The following CSMD1 variants were observed in gnomAD, a reference collection of about 807,000 sequenced individuals.
CSMD1 encodes the protein CUB and Sushi multiple domains 1.
A neutral mutation model predicts 417.5 loss-of-function variants in CSMD1; 213 were observed. That is an observed-to-expected ratio of 0.51 (90% CI 0.46 to 0.57). The LOEUF (loss-of-function observed/expected upper bound fraction) is 0.57. Among genes scored for constraint, CSMD1 ranks in the 20% least tolerant of loss-of-function variants. The pLI, the probability that CSMD1 is intolerant of heterozygous loss-of-function variation, is 0.00. For synonymous variants in CSMD1, 2,862 were observed against 1,736.8 expected (o/e 1.65, Z -16.11); for missense variants, 6,923 against 4,529.7 (o/e 1.53, Z -15.17).
chr8:3,639,283 C>T (rs958855875), intron 7 of CSMD1, among the ~76,000 whole-genome samples: 3 of 152,088 alleles, frequency 2.0e-5, no homozygotes, highest in Admixed American at 1.3e-4. Context: ...GAATAATATA[C>T]TTTATTATTA....
chr8:4,016,097 A>C (rs913803141), intron 4 of CSMD1, among the ~76,000 whole-genome samples: 5 of 152,144 alleles, frequency 3.3e-5, no homozygotes, highest in Non-Finnish European at 5.9e-5. Flanking sequence ...ATTTACCAGG[A>C]AATTTTGGGA....
rs550458334 is a variant in CSMD1 at position 3,079,636 on chromosome 8, G to A, written c.7474+7461C>T. On this transcript the variant is annotated intron_variant, in intron 49 of 69. Transcript: ENST00000635120. ...CCTAACATATCCTCCTAACATTTGA[G>A]AATGATGTTGTTTTAAAAATTTTGT... is the stretch of plus-strand genomic sequence containing the variant. 6.6e-5 allele frequency among the ~76,000 whole-genome samples: 10 copies of A among 152,212 alleles called. No homozygotes were observed. The South Asian group carries it at 1.9e-3, about 28-fold the overall frequency.
chr8:4,036,130 C>A (rs563602954), intron 3 of CSMD1, among the ~76,000 whole-genome samples: 2 of 152,316 alleles, frequency 1.3e-5, no homozygotes, highest in African/African-American at 4.8e-5. Flanking sequence ...CACCACACAT[C>A]CTAGGTGCGT....
At chr8:3,671,525 GATCATATA>G (rs1563256888) in intron 7 of CSMD1, among the ~76,000 whole-genome samples, 10 of 1,864 alleles carry the variant, frequency 5.4e-3, no homozygotes, top group African/African-American at 0.011. Context: ...TCATATATAT[GATCATATA>G]TATATATATA....
At chr8:4,009,905 TGC>T (rs1005236028) in intron 4 of CSMD1, among the ~76,000 whole-genome samples, 3 of 152,060 alleles carry the variant, frequency 2.0e-5, no homozygotes, top group Non-Finnish European at 4.4e-5. Flanking sequence ...CAACAGTCCC[TGC>T]AAAAAGCCCT....
intron 3 of CSMD1, among the ~76,000 whole-genome samples, chr8:4,241,279 C>T (rs569407361): frequency 6.6e-6 from 1 of 152,192 alleles, no homozygotes; most frequent in African/African-American, 2.4e-5. Context: ...AATCTCACCA[C>T]AATTCATTCC....
chr8:3,582,236 C>T (rs765972682), intron 9 of CSMD1, among the ~76,000 whole-genome samples: 21 of 152,138 alleles, frequency 1.4e-4, no homozygotes, highest in Non-Finnish European at 2.2e-4. Context: ...ATCCATTTTC[C>T]TGGACACTGT....
chr8:3,487,015 C>G (rs1327526885), intron 11 of CSMD1, among the ~76,000 whole-genome samples: 2 of 152,104 alleles, frequency 1.3e-5, no homozygotes, highest in East Asian at 1.9e-4. Flanking sequence ...TCCTGAACCT[C>G]TCACACACAG....
At chr8:3,925,146 C>T (rs191549345) in intron 5 of CSMD1, among the ~76,000 whole-genome samples, 2 of 152,306 alleles carry the variant, frequency 1.3e-5, no homozygotes, top group East Asian at 3.9e-4. Flanking sequence ...CCAGCTAATC[C>T]ACTTCCCAAA....
chr8:4,224,125 C>A (rs558665714), intron 3 of CSMD1, among the ~76,000 whole-genome samples: 3 of 152,114 alleles, frequency 2.0e-5, no homozygotes, highest in Non-Finnish European at 4.4e-5. Flanking sequence ...CTGAACATAC[C>A]ATGAGGACAC....
At position 4,594,195 on chromosome 8, in the gene CSMD1, C is replaced by CTTTTTTTTTTTTTTT. The variant is rs771415822; in HGVS notation, c.302+43132_302+43146dup. ...TTAACTTGATTAATTCTAAAGTGAT[C>CTTTTTTTTTTTTTTT]TTTTTTTTTTTTTTTTTTTTTTCTC... On this transcript the variant is annotated intron_variant, in intron 2 of 69. Coordinates refer to ENST00000635120, the MANE Select transcript of CSMD1 (RefSeq NM_033225.6). Among the ~76,000 whole-genome samples the CTTTTTTTTTTTTTTT allele has an allele frequency of 6.5e-5, 6 of 92,372 alleles. 1 individual carries two copies. The highest frequency in any genetic ancestry group is 1.0e-4 in the Non-Finnish European group (5 of 48,684). 60.6% of individuals were successfully genotyped at this position (92,372 alleles called of 152,430 possible). A position where few individuals can be genotyped will look rare whatever the true frequency, so the allele number is the denominator to read the frequency against.
intron 5 of CSMD1, among the ~76,000 whole-genome samples, chr8:3,958,540 T>G (rs2627498): frequency 6.6e-6 from 1 of 152,170 alleles, no homozygotes; most frequent in Non-Finnish European, 1.5e-5. Context: ...AGTTCTATTA[T>G]TCATTTACTG....
intron 3 of CSMD1, among the ~76,000 whole-genome samples, chr8:4,326,365 C>T (rs1799563355): frequency 6.6e-6 from 1 of 152,130 alleles, no homozygotes; most frequent in Non-Finnish European, 1.5e-5. Context: ...TGACGACGAT[C>T]ACCAATGTGG....
intron 23 of CSMD1, among the ~76,000 whole-genome samples, chr8:3,314,146 G>C (rs1017916074): frequency 6.6e-6 from 1 of 152,092 alleles, no homozygotes; most frequent in Non-Finnish European, 1.5e-5. Context: ...GGGAGGGATA[G>C]CATTAGGAGA....
chr8:3,146,690 G>A (rs1423982906), intron 40 of CSMD1, among the ~76,000 whole-genome samples: 2 of 152,084 alleles, frequency 1.3e-5, no homozygotes, highest in Non-Finnish European at 2.9e-5. Context: ...CCCGCAGTAG[G>A]TCACTGTCGG....
chr8:4,727,430 G>C (rs1346342966), intron 1 of CSMD1, among the ~76,000 whole-genome samples: 1 of 152,106 alleles, frequency 6.6e-6, no homozygotes, highest in Middle Eastern at 3.2e-3. Flanking sequence ...TCAGTCCCTG[G>C]AATTATGCGT....
chr8:3,825,938 C>T (rs1031574181), intron 5 of CSMD1, among the ~76,000 whole-genome samples: 5 of 152,166 alleles, frequency 3.3e-5, no homozygotes. Flanking sequence ...TTGATAAATT[C>T]CAACTTAAGA....
chr8:4,216,692 A>T (rs1800693156), intron 3 of CSMD1, among the ~76,000 whole-genome samples: 1 of 152,136 alleles, frequency 6.6e-6, no homozygotes, highest in South Asian at 2.1e-4. Flanking sequence ...GTTTCATGTA[A>T]GCACCAGTCA....
Position 4,918,487 on chromosome 8 carries a change from A to G in CSMD1, c.85+75845T>C, listed in dbSNP as rs77409078. On this transcript the variant is annotated intron_variant, in intron 1 of 69. Transcript: ENST00000635120. ...TTTTCTAACTTTCTGCACAATGTGT[A>G]TGTCTGCTCCAATATTTATTAGAAA... Among the ~76,000 whole-genome samples the G allele has an allele frequency of 2.4e-3, 369 of 152,250 alleles. 13 individuals are homozygous for G. In the East Asian group the frequency reaches 0.04, roughly 16 times the overall value.
Sources: allele counts gnomAD v4.1 joint callset (sites outside exome capture counted in the v4.1 genomes callset), GRCh38; gene constraint gnomAD v4.1.1; transcripts MANE v1.5; gene names NCBI Gene and HGNC (gene_info 2026-07-23, HGNC 2026-07-21).